The following KLHL29 variants were observed in gnomAD, a reference collection of about 807,000 sequenced individuals.
KLHL29 encodes the protein kelch-like protein 29.
A neutral mutation model predicts 80.4 loss-of-function variants in KLHL29; 21 were observed. The observed-to-expected ratio is 0.26, with a 90% confidence interval of 0.19 to 0.38. The LOEUF (loss-of-function observed/expected upper bound fraction) is 0.38, where lower values mean the gene tolerates loss of function less well. Among genes scored for constraint, KLHL29 ranks in the 10% least tolerant of loss-of-function variants. The pLI, the probability that KLHL29 is intolerant of heterozygous loss-of-function variation, is 1.00. For synonymous variants in KLHL29, 511 were observed against 526.8 expected (o/e 0.97, Z 0.41); for missense variants, 867 against 1,223.9 (o/e 0.71, Z 4.35).
chr2:23,616,607 T>C (rs538175655), intron 3 of KLHL29: 54 of 152,368 alleles, frequency 3.5e-4, no homozygotes, highest in African/African-American at 1.2e-3. Flanking sequence ...ACCATCATTT[T>C]TGGAGAGGCC....
chr2:23,624,706 A>G (rs1385128668), intron 3 of KLHL29, among the ~76,000 whole-genome samples: 1 of 152,254 alleles, frequency 6.6e-6, no homozygotes, highest in Non-Finnish European at 1.5e-5. Context: ...GCAGCAACCC[A>G]GAGAAAACTG....
Position 23,479,733 on chromosome 2 carries a change from G to A in KLHL29, c.-46+4066G>A, listed in dbSNP as rs112919491. On this transcript the variant is annotated intron_variant, in intron 2 of 13. Coordinates refer to ENST00000486442, the MANE Select transcript of KLHL29 (RefSeq NM_052920.2). ...TGCTCTCCAAGGAAGCCTTGTACTCGTACTGTCTCAGTCCTCCTCCCTCCC... is the reference window on the plus strand; with the variant it reads ...TGCTCTCCAAGGAAGCCTTGTACTCATACTGTCTCAGTCCTCCTCCCTCCC... Among the ~76,000 whole-genome samples the A allele has an allele frequency of 5.7e-3, 867 of 152,138 alleles. 5 individuals are homozygous for A. Among genetic ancestry groups the A allele is most frequent in the African/African-American group, 0.019 (790 of 41,514 alleles).
intron 2 of KLHL29, among the ~76,000 whole-genome samples, chr2:23,485,626 G>A (rs1664914362): frequency 6.6e-6 from 1 of 152,190 alleles, no homozygotes; most frequent in Non-Finnish European, 1.5e-5. Flanking sequence ...GTTTAGAAAG[G>A]TATGTTCCAT....
chr2:23,494,918 G>A (rs183137291), intron 2 of KLHL29, among the ~76,000 whole-genome samples: 217 of 152,300 alleles, frequency 1.4e-3, no homozygotes, highest in South Asian at 6.6e-3. Context: ...TTGATGAAGC[G>A]ACAGTGCTCC....
At chr2:23,556,801 G>A (rs951105712) in intron 2 of KLHL29, among the ~76,000 whole-genome samples, 7 of 152,182 alleles carry the variant, frequency 4.6e-5, no homozygotes, top group African/African-American at 1.4e-4. Flanking sequence ...TTTCACCCAC[G>A]ACTAGCACCA....
At position 23,655,074 on chromosome 2, in the gene KLHL29, G is replaced by A. The variant is rs893282163; in HGVS notation, c.940+12224G>A. On this transcript the variant is annotated intron_variant, in intron 5 of 13. Coordinates refer to ENST00000486442, the MANE Select transcript of KLHL29 (RefSeq NM_052920.2). ...GGGCTCTTTCCTCATCTCCAAAACC[G>A]TTGTTGGGATGGCTGGGTGGATGGA... Among the ~76,000 whole-genome samples, 78 of 152,152 alleles carry A rather than the reference G, an allele frequency of 5.1e-4. 1 individual carries two copies. The highest frequency in any genetic ancestry group is 1.4e-3 in the African/African-American group (60 of 41,420).
At chr2:23,522,956 G>A (rs1040919786) in intron 2 of KLHL29, among the ~76,000 whole-genome samples, 3 of 152,148 alleles carry the variant, frequency 2.0e-5, no homozygotes, top group African/African-American at 7.2e-5. Context: ...TCCCTGTGGA[G>A]CTGACCACGA....
At position 23,600,135 on chromosome 2, in the gene KLHL29, G is replaced by A. The variant is rs577535626; in HGVS notation, c.285+37654G>A. Among the ~76,000 whole-genome samples, 14 of 152,332 alleles carry A rather than the reference G, an allele frequency of 9.2e-5. No individual in the cohort carries two copies. In the East Asian group the frequency reaches 2.7e-3, roughly 29 times the overall value. On this transcript the variant is annotated intron_variant, in intron 3 of 13. Coordinates refer to ENST00000486442, the MANE Select transcript of KLHL29 (RefSeq NM_052920.2). ...GTTGGTGACACTGCAGTAATTGGAG[G>A]TAAGAGCTGTGAGGCCATTCAGATA... is the stretch of plus-strand genomic sequence containing the variant.
intron 3 of KLHL29, among the ~76,000 whole-genome samples, chr2:23,585,837 ACT>A (rs771997101): frequency 4.3e-4 from 66 of 152,102 alleles, no homozygotes; most frequent in Non-Finnish European, 8.1e-4. Context: ...GCAATAGCAG[ACT>A]CTGCTCCAGA....
At chr2:23,453,108 T>TAA (rs11450727) in intron 1 of KLHL29, among the ~76,000 whole-genome samples, 34 of 144,304 alleles carry the variant, frequency 2.4e-4, no homozygotes, top group African/African-American at 6.6e-4. Flanking sequence ...TATGTTTCAT[T>TAA]AAAAAAAAAA....
At chr2:23,441,773 T>C (rs1240671017) in intron 1 of KLHL29, among the ~76,000 whole-genome samples, 1 of 152,156 alleles carries the variant, frequency 6.6e-6, no homozygotes, top group Admixed American at 6.5e-5. Flanking sequence ...CTCCATGTGG[T>C]TACGTTGGGC....
intron 2 of KLHL29, among the ~76,000 whole-genome samples, chr2:23,550,867 C>T (rs930625255): frequency 2.0e-5 from 3 of 152,224 alleles, no homozygotes; most frequent in African/African-American, 7.2e-5. Context: ...TTAGTCAATT[C>T]TGCAAGATCT....
At chr2:23,604,737 A>G (rs949345152) in intron 3 of KLHL29, among the ~76,000 whole-genome samples, 1 of 151,506 alleles carries the variant, frequency 6.6e-6, no homozygotes, top group African/African-American at 2.4e-5. Context: ...AGAAAGGAGG[A>G]CCTTCTGAGG....
chr2:23,491,452 G>A (rs549398214), intron 2 of KLHL29, among the ~76,000 whole-genome samples: 1 of 152,280 alleles, frequency 6.6e-6, no homozygotes, highest in East Asian at 1.9e-4. Flanking sequence ...CAGCAAACCA[G>A]TAGCAGGGCC....
At chr2:23,583,528 G>T (rs953385201) in intron 3 of KLHL29, among the ~76,000 whole-genome samples, 5 of 152,212 alleles carry the variant, frequency 3.3e-5, no homozygotes, top group Admixed American at 2.0e-4. Flanking sequence ...GGCGATTAAA[G>T]CGAGAAGCTC....
At chr2:23,686,804 T>C (rs1671280673) in intron 6 of KLHL29, among the ~76,000 whole-genome samples, 1 of 152,050 alleles carries the variant, frequency 6.6e-6, no homozygotes. Context: ...CTGGGGGGCC[T>C]TCAGCATACA....
At chr2:23,643,508 GA>G (rs1343859329) in intron 5 of KLHL29, 3 of 170,028 alleles carry the variant, frequency 1.8e-5, no homozygotes, top group Non-Finnish European at 2.6e-5. Flanking sequence ...TCATTCCAGG[GA>G]ACTCGAAGGT....
intron 2 of KLHL29, among the ~76,000 whole-genome samples, chr2:23,506,080 C>T (rs1291188718): frequency 1.3e-5 from 2 of 152,200 alleles, no homozygotes; most frequent in Non-Finnish European, 2.9e-5. Flanking sequence ...AACAGGAGCA[C>T]TCTGGGCTTG....
chr2:23,418,032 T>C (rs983933331), intron 1 of KLHL29, among the ~76,000 whole-genome samples: 2 of 152,218 alleles, frequency 1.3e-5, no homozygotes, highest in Non-Finnish European at 2.9e-5. Flanking sequence ...GGGTCTGTCT[T>C]GCTCATTTCT....
Sources: allele counts gnomAD v4.1 joint callset (sites outside exome capture counted in the v4.1 genomes callset), GRCh38; gene constraint gnomAD v4.1.1; transcripts MANE v1.5; gene names NCBI Gene and HGNC (gene_info 2026-07-23, HGNC 2026-07-21).